Variants in ARHGAP27 observed in about 807,000 individuals in gnomAD.
ARHGAP27 encodes rho GTPase-activating protein 27.
ARHGAP27 carries 53 observed loss-of-function variants against 102.0 expected under a neutral mutation model. The observed-to-expected ratio is 0.52, with a 90% CI of 0.42 to 0.65. The LOEUF is 0.65. Ranked by LOEUF, ARHGAP27 falls within the 30% of genes least tolerant of loss-of-function variation. The pLI is 0.00. For missense variants in ARHGAP27, 1,117 were observed against 1,256.2 expected, an observed-to-expected ratio of 0.89 and a Z score of 1.68; for synonymous variants, 525 against 542.8, an observed-to-expected ratio of 0.97 and a Z score of 0.46.
chr17:45,431,218 C>A (rs528867652), intron 3 of ARHGAP27, among the ~76,000 whole-genome samples: 1 of 152,192 alleles, frequency 6.6e-6, no homozygotes, highest in Admixed American at 6.5e-5. Flanking sequence ...TGGTCATAAG[C>A]CCCGCTCCCG....
rs1340397952 is a variant in ARHGAP27, at chr17:45,397,972, T to C, written c.1819A>G (p.Ile607Val). ...EAIISTWHKA[I>V]AQGIQELSAE... is the part of the protein sequence containing the mutation. Reference sequence around the variant, plus strand: ...ACCAGCTCCTGGATGCCCTGAGCAATGGCCTTATGCCAGGTGCTGATGATG... The same window carrying C: ...ACCAGCTCCTGGATGCCCTGAGCAACGGCCTTATGCCAGGTGCTGATGATG... Residue 607 changes from isoleucine to valine, a missense_variant, in exon 13 of 20, where the codon ATT becomes GTT. By Grantham distance (29) the Ile-to-Val change is conservative (BLOSUM62 3). Coordinates refer to ENST00000685559, the MANE Select transcript of ARHGAP27 (RefSeq NM_001282290.2). The C allele has an allele frequency of 6.2e-7, 1 of 1,609,600 alleles. No homozygotes were observed. Among genetic ancestry groups the C allele is most frequent in the African/African-American group, 1.3e-5 (1 of 74,896 alleles).
chr17:45,415,636 G>C (rs981091407), intron 4 of ARHGAP27, among the ~76,000 whole-genome samples: 2 of 152,156 alleles, frequency 1.3e-5, no homozygotes, highest in Non-Finnish European at 2.9e-5. Flanking sequence ...CCTCCTGCTG[G>C]CTTTGCCTCA....
chr17:45,406,119 G>A, intron 4 of ARHGAP27, 36 bp from the exon 5 acceptor site: 1 of 1,482,744 alleles, frequency 6.7e-7, no homozygotes, highest in South Asian at 1.3e-5. Flanking sequence ...TGTGTTTTCA[G>A]AAACCTTCCA....
chr17:45,414,047 A>G (rs963899319), intron 4 of ARHGAP27, among the ~76,000 whole-genome samples: 4 of 151,854 alleles, frequency 2.6e-5, no homozygotes, highest in African/African-American at 4.8e-5. Flanking sequence ...CAGAGGTTAC[A>G]GTGAACCAAG....
In ARHGAP27 at chr17:45,430,628, T is replaced by C. The variant is rs2049984437; in HGVS notation, c.-18-331A>G. ...GCCTTGGCTTTAAAACGAGGGGTGA[T>C]TGCCCGCTCTAAGGTCGACACCACG... On this transcript the variant is annotated intron_variant, in intron 3 of 19. Coordinates refer to ENST00000685559, the MANE Select transcript of ARHGAP27 (RefSeq NM_001282290.2). This position sits in a 1 kb window ranked among gnomAD's most constrained non-coding sequence, Gnocchi z 4.4. Among the ~76,000 whole-genome samples the C allele has an allele frequency of 1.3e-5, 2 of 152,198 alleles. No individual in the cohort carries two copies. Among genetic ancestry groups the C allele is most frequent in the Non-Finnish European group, 2.9e-5 (2 of 67,986 alleles).
chr17:45,407,277 C>G (rs577024901), intron 4 of ARHGAP27, among the ~76,000 whole-genome samples: 3 of 152,186 alleles, frequency 2.0e-5, no homozygotes, highest in Non-Finnish European at 2.9e-5. Context: ...TGCAGCCTGC[C>G]CAGGCCCATC....
At chr17:45,416,356 A>C (rs1277402314) in intron 4 of ARHGAP27, among the ~76,000 whole-genome samples, 1 of 151,500 alleles carries the variant, frequency 6.6e-6, no homozygotes, top group Non-Finnish European at 1.5e-5. Context: ...GCCCAGCCTC[A>C]TGCTGAAGTT....
intron 4 of ARHGAP27, among the ~76,000 whole-genome samples, chr17:45,425,992 C>T (rs1379056828): frequency 7.2e-5 from 11 of 152,176 alleles, no homozygotes; most frequent in Non-Finnish European, 1.3e-4. Flanking sequence ...AGATGTCCCT[C>T]CTGGGACATC....
intron 3 of ARHGAP27, among the ~76,000 whole-genome samples, chr17:45,431,279 G>A (rs1183867476): frequency 1.3e-5 from 2 of 152,220 alleles, no homozygotes; most frequent in Admixed American, 6.5e-5. Context: ...AAATCTGTCT[G>A]CGCCCCTCCA....
intron 4 of ARHGAP27, among the ~76,000 whole-genome samples, chr17:45,421,139 T>C (rs2048998102): frequency 7.7e-6 from 1 of 129,700 alleles, no homozygotes; most frequent in East Asian, 2.2e-4. Context: ...GGGGACCCAG[T>C]TGGGAGCGCT....
Position 45,395,963 on chromosome 17 carries a change from C to T in ARHGAP27, c.2386+20G>A. The stretch of plus-strand genomic sequence containing the variant: ...CGCCACGCCCCTACCCCATCCGCCC[C>T]ACCTGCCCCAGGTGCTCACTGATGG... On this transcript the variant is annotated intron_variant, in intron 18 of 19. Transcript: ENST00000685559. The T allele has an allele frequency of 6.2e-7, 1 of 1,600,350 alleles. No homozygotes were observed. The highest frequency in any genetic ancestry group is 8.5e-7 in the Non-Finnish European group (1 of 1,172,204).
chr17:45,406,035 G>A lies in ARHGAP27; in HGVS notation c.706C>T (p.Arg236Trp), dbSNP rs897413080. 5.9e-6 allele frequency: 9 copies of A among 1,533,920 alleles called. No individual in the cohort carries two copies. The highest frequency in any genetic ancestry group is 1.4e-5 in the African/African-American group (1 of 72,974). Residue 236 changes from arginine (R) to tryptophan (W), a missense_variant, in exon 5 of 20, where the codon CGG becomes TGG. Around this residue, in one of 3 missense-constraint regions of ARHGAP27, gnomAD observed 610 missense variants for 716.4 expected, o/e 0.85. Transcript: ENST00000685559. ...GCAGCGGCGCCCGGTGAAGTGGCCCGGGGCTGCCTCTCTATGTTCGCGTAC... is the reference window on the plus strand; with the variant it reads ...GCAGCGGCGCCCGGTGAAGTGGCCCAGGGCTGCCTCTCTATGTTCGCGTAC... ...PVYANIERQP[R>W]ATSPGAAAAP...
intron 4 of ARHGAP27, chr17:45,425,640 T>C (rs2049525197): frequency 8.1e-6 from 8 of 985,402 alleles, no homozygotes; most frequent in Non-Finnish European, 9.6e-6. Context: ...GTGCGGCGCC[T>C]CCGGGGCTGC....
In ARHGAP27 at chr17:45,396,957, C is replaced by T; in HGVS notation, c.1910G>A (p.Gly637Glu). The T allele has an allele frequency of 6.2e-7, 1 of 1,606,008 alleles. No homozygotes were observed. The highest frequency in any genetic ancestry group is 8.5e-7 in the Non-Finnish European group (1 of 1,179,972). ...GTCCTCCTCTTTCTCCTGCCAGCTT[C>T]CCAAGCGCTCGCTCGACCCGAAGTC... The part of the protein sequence containing the change: ...RVDFGSSERL[G>E]SWQEKEEDAR... Residue 637 changes from glycine (G) to glutamate (E), a missense_variant, in exon 14 of 20, where the codon GGA (glycine) becomes GAA (glutamate). By Grantham distance (98) the Gly-to-Glu change is moderately conservative. Around this residue, in one of 3 missense-constraint regions of ARHGAP27, gnomAD observed 493 missense variants for 505.5 expected, o/e 0.98. Coordinates refer to ENST00000685559, the MANE Select transcript of ARHGAP27 (RefSeq NM_001282290.2).
At chr17:45,407,983 C>G (rs2047426519) in intron 4 of ARHGAP27, 1 of 151,956 alleles carries the variant, frequency 6.6e-6, no homozygotes. Flanking sequence ...CCTGCAGCCT[C>G]AAAATTTTGT....
At position 45,395,529 on chromosome 17, in the gene ARHGAP27, A is replaced by C. The variant is rs752251957; in HGVS notation, c.2597T>G (p.Met866Arg). 1 of 1,601,542 alleles carries C rather than the reference A, an allele frequency of 6.2e-7. No homozygotes were observed. Among genetic ancestry groups the C allele is most frequent in the South Asian group, 1.1e-5 (1 of 88,572 alleles). The stretch of plus-strand genomic sequence containing the variant: ...CACCTGGTTCTGGAACACCATGGTC[A>C]TGGGCATGCTGGTCTCTTCCACCTC... ...RPEVEETSMP[M>R]TMVFQNQVVE... The change falls in exon 20 of 20, where the codon ATG (methionine) becomes AGG (arginine). Residue 866 changes from methionine (M) to arginine (R), a missense_variant. Around this residue, in one of 3 missense-constraint regions of ARHGAP27, gnomAD observed 493 missense variants for 505.5 expected, o/e 0.98. Coordinates refer to ENST00000685559, the MANE Select transcript of ARHGAP27 (RefSeq NM_001282290.2).
chr17:45,406,680 G>T (rs541069896), intron 4 of ARHGAP27, among the ~76,000 whole-genome samples: 53 of 152,236 alleles, frequency 3.5e-4, no homozygotes, highest in African/African-American at 1.3e-3. Flanking sequence ...TTGAGATGGG[G>T]TCTAGCTCTG....
intron 4 of ARHGAP27, among the ~76,000 whole-genome samples, chr17:45,420,352 TGA>T (rs2048910071): frequency 6.6e-6 from 1 of 152,158 alleles, no homozygotes; most frequent in East Asian, 1.9e-4. Flanking sequence ...CGGTGTTGCT[TGA>T]GAGAGAAAAT....
At chr17:45,403,781 A>G in intron 10 of ARHGAP27, 72 bp from the exon 11 acceptor site, 1 of 1,346,040 alleles carries the variant, frequency 7.4e-7, no homozygotes, top group East Asian at 2.4e-5. Flanking sequence ...CTCCTACCCC[A>G]GGAACAAGTC....
Sources: gnomAD v4.1 joint callset for allele counts (sites outside exome capture counted in the v4.1 genomes callset) on GRCh38, gnomAD v4.1.1 for gene constraint, gnomAD v4.1.1 regional missense constraint, Gnocchi (gnomAD v3.1) non-coding constraint, MANE v1.5 for transcripts, NCBI Gene and HGNC (gene_info 2026-07-23, HGNC 2026-07-21) for gene names.